The following C8B variants were observed in gnomAD, a reference collection of about 807,000 sequenced individuals.
The protein encoded by C8B is complement component C8 beta chain.
Under a neutral mutation model 64.6 loss-of-function variants are expected in C8B, and 67 were observed. The observed-to-expected ratio is 1.04, with a 90% CI of 0.85 to 1.27. C8B has a LOEUF of 1.27. Among genes scored for constraint, C8B ranks in the 50% most tolerant of loss-of-function variants. The pLI is 0.00. For missense variants in C8B, 790 were observed against 725.2 expected (o/e 1.09, Z -1.03); for synonymous variants, 284 against 257.7 (o/e 1.10, Z -0.98).
intron 3 of C8B, 145 bp downstream of exon 3, chr1:56,956,624 G>A (rs960246635): frequency 1.3e-6 from 1 of 794,830 alleles, no homozygotes. Context: ...GCATGTGAAA[G>A]GAGGTCAGAG....
rs759239969 is a variant in C8B at position 56,952,194 on chromosome 1, A to G, written c.534-14T>C. On this transcript the variant is annotated splice_polypyrimidine_tract_variant and intron_variant, in intron 4 of 11. Coordinates refer to ENST00000371237, the MANE Select transcript of C8B (RefSeq NM_000066.4). ...AACAAATTTATCCTGTGAGGAAGAG[A>G]CAGAGATGGCGAAGAGGTTAAAGTT... is the stretch of plus-strand genomic sequence containing the variant. 1 of 1,614,026 alleles carries G rather than the reference A, an allele frequency of 6.2e-7. No homozygotes were observed. Among genetic ancestry groups the G allele is most frequent in the African/African-American group, 1.3e-5 (1 of 75,044 alleles).
intron 11 of C8B, among the ~76,000 whole-genome samples, chr1:56,930,447 G>GT (rs1456697215): frequency 6.6e-6 from 1 of 152,142 alleles, no homozygotes. Flanking sequence ...GGAGTGCATG[G>GT]TTCCCAAGGG....
intron 2 of C8B, among the ~76,000 whole-genome samples, chr1:56,959,039 C>T (rs1035664277): frequency 6.6e-6 from 1 of 152,204 alleles, no homozygotes; most frequent in African/African-American, 2.4e-5. Flanking sequence ...AGTGTGTTCA[C>T]TGGAAGAACC....
intron 4 of C8B, 104 bp downstream of exon 4, chr1:56,954,582 T>G: frequency 6.8e-7 from 1 of 1,461,948 alleles, no homozygotes; most frequent in African/African-American, 1.4e-5. Flanking sequence ...CTCAGAAAGG[T>G]GAGTGAGGAC....
intron 9 of C8B, among the ~76,000 whole-genome samples, chr1:56,939,707 G>C (rs1308625532): frequency 2.6e-5 from 4 of 152,222 alleles, no homozygotes; most frequent in Admixed American, 2.6e-4. Context: ...GGTGACAAGT[G>C]GTTAGGATCA....
chr1:56,940,937 G>A lies in C8B; in HGVS notation c.1310C>T (p.Thr437Ile). 2 of 1,614,082 alleles carry A rather than the reference G, an allele frequency of 1.2e-6. No homozygotes were observed. Among genetic ancestry groups the A allele is most frequent in the African/African-American group, 2.7e-5 (2 of 75,028 alleles). The change falls in exon 9 of 12, where the codon ACC (threonine) becomes ATC (isoleucine). Residue 437 changes from threonine (T) to isoleucine (I), a missense_variant. Transcript: ENST00000371237. ...VRGGASEHIT[T>I]LAYQELPTAD... ...CGTCGGCAGCTCCTGGTATGCCAGGGTGGTGATGTGCTCACTTGCCCCTCC... is the reference window on the plus strand; with the variant it reads ...CGTCGGCAGCTCCTGGTATGCCAGGATGGTGATGTGCTCACTTGCCCCTCC...
rs192119292 is a variant in C8B, at chr1:56,943,854, C to G, written c.1106-30G>C. ...AGAAAACAAGGAAAAAGGTCCATGA[C>G]GTAAAAGGTAGTTCACTCTGTCCCT... On this transcript the variant is annotated intron_variant, in intron 7 of 11. Transcript: ENST00000371237. 3 of 1,612,510 alleles carry G rather than the reference C, an allele frequency of 1.9e-6. No individual in the cohort carries two copies. In the African/African-American group the frequency reaches 4.0e-5, roughly 22 times the overall value.
intron 6 of C8B, among the ~76,000 whole-genome samples, chr1:56,949,276 C>T (rs773065637): frequency 4.6e-5 from 7 of 152,122 alleles, no homozygotes; most frequent in Non-Finnish European, 1.0e-4. Flanking sequence ...GGTTAGTTAT[C>T]GTAGGAGTGG....
chr1:56,930,468 C>G (rs1478759706), intron 11 of C8B, among the ~76,000 whole-genome samples: 1 of 152,252 alleles, frequency 6.6e-6, no homozygotes, highest in East Asian at 1.9e-4. Flanking sequence ...CTCCTCCAAC[C>G]AATAGGAACC....
chr1:56,944,944 T>C (rs1025083605), intron 7 of C8B, among the ~76,000 whole-genome samples: 4 of 152,144 alleles, frequency 2.6e-5, no homozygotes, highest in African/African-American at 4.8e-5. Context: ...AGCAGACTTG[T>C]AGTTGACTGG....
Position 56,952,187 on chromosome 1 carries a change from G to A in C8B, c.534-7C>T. The A allele has an allele frequency of 6.2e-6, 10 of 1,614,146 alleles. No individual in the cohort carries two copies. Among genetic ancestry groups the A allele is most frequent in the Non-Finnish European group, 8.5e-6 (10 of 1,180,012 alleles). The stretch of plus-strand genomic sequence containing the variant: ...GTTTGTGAACAAATTTATCCTGTGA[G>A]GAAGAGACAGAGATGGCGAAGAGGT... On this transcript the variant is annotated splice_region_variant and splice_polypyrimidine_tract_variant and intron_variant, in intron 4 of 11. Coordinates refer to ENST00000371237, the MANE Select transcript of C8B (RefSeq NM_000066.4).
intron 1 of C8B, chr1:56,963,906 A>G (rs943053335): frequency 2.0e-6 from 2 of 984,976 alleles, no homozygotes; most frequent in East Asian, 1.1e-4. Context: ...AGAACAAAAA[A>G]CTCTTTTGGC....
chr1:56,942,441 C>T (rs1250926284), intron 8 of C8B, among the ~76,000 whole-genome samples: 1 of 152,200 alleles, frequency 6.6e-6, no homozygotes. Flanking sequence ...GTGGCTCATG[C>T]CTCTAATCCC....
chr1:56,965,350 A>G (rs1645237777), intron 1 of C8B, among the ~76,000 whole-genome samples: 2 of 151,344 alleles, frequency 1.3e-5, no homozygotes, highest in African/African-American at 4.9e-5. Flanking sequence ...ATCAGCCAGC[A>G]TTTAACTGCT....
At chr1:56,936,017 G>A (rs1644770220) in intron 9 of C8B, among the ~76,000 whole-genome samples, 1 of 152,136 alleles carries the variant, frequency 6.6e-6, no homozygotes, top group Non-Finnish European at 1.5e-5. Flanking sequence ...ATATGGATGA[G>A]CCACAATGTA....
intron 9 of C8B, among the ~76,000 whole-genome samples, chr1:56,934,075 C>T (rs1644741100): frequency 6.6e-6 from 1 of 152,130 alleles, no homozygotes; most frequent in African/African-American, 2.4e-5. Flanking sequence ...ACTCAAGATA[C>T]TGTCTGCACT....
At chr1:56,963,182 G>T (rs1645202506) in intron 1 of C8B, among the ~76,000 whole-genome samples, 1 of 152,030 alleles carries the variant, frequency 6.6e-6, no homozygotes, top group Non-Finnish European at 1.5e-5. Context: ...CATTTAACTG[G>T]GCCCAGGTCT....
chr1:56,960,159 G>A lies in C8B; in HGVS notation c.110C>T (p.Ser37Phe), dbSNP rs761533195. Residue 37 changes from serine (S) to phenylalanine (F), a missense_variant, in exon 2 of 12, where the codon TCC becomes TTC. Ser to Phe is a radical substitution (Grantham distance 155). Coordinates refer to ENST00000371237, the MANE Select transcript of C8B (RefSeq NM_000066.4). ...LPGSRGERPH[S>F]FGSNAVNKSF... ...CTTGTTGACTGCATTTGACCCAAAG[G>A]AATGTGGCCTTTCACCTCTAAAAGT... 1.2e-6 allele frequency: 2 copies of A among 1,614,162 alleles called. No homozygotes were observed. Among genetic ancestry groups the A allele is most frequent in the Non-Finnish European group, 8.5e-7 (1 of 1,180,016 alleles).
At chr1:56,933,587 A>G in intron 9 of C8B, 99 bp from the exon 10 acceptor site, 1 of 1,000,330 alleles carries the variant, frequency 1.0e-6, no homozygotes, top group Non-Finnish European at 1.6e-6. Context: ...CAGTGTATAG[A>G]GACCACATGT....
Sources: gnomAD v4.1 joint callset for allele counts (sites outside exome capture counted in the v4.1 genomes callset) on GRCh38, gnomAD v4.1.1 for gene constraint, MANE v1.5 for transcripts, NCBI Gene and HGNC (gene_info 2026-07-23, HGNC 2026-07-21) for gene names.